TUBB2A: variants seen among roughly 807,000 people sequenced by gnomAD.
TUBB2A encodes tubulin beta-2A chain.
A neutral mutation model predicts 33.9 loss-of-function variants in TUBB2A; 7 were observed. The observed-to-expected ratio is 0.21, with a 90% confidence interval of 0.12 to 0.39. The LOEUF (loss-of-function observed/expected upper bound fraction) is 0.39. TUBB2A is among the 10% of genes least tolerant of loss of function. The pLI is 1.00. For missense variants in TUBB2A, 80 were observed against 593.4 expected (o/e 0.13, Z 8.99); for synonymous variants, 187 against 247.6 (o/e 0.76, Z 2.30).
In TUBB2A at chr6:3,155,034, C is replaced by G; in HGVS notation, c.278-111G>C. 6.5e-7 allele frequency: 1 copy of G among 1,540,484 alleles called. No homozygotes were observed. Among genetic ancestry groups the G allele is most frequent in the Non-Finnish European group, 8.8e-7 (1 of 1,139,614 alleles). On this transcript the variant is annotated intron_variant, in intron 3 of 3. Coordinates refer to ENST00000333628, the MANE Select transcript of TUBB2A (RefSeq NM_001069.3). This position sits in a 1 kb window ranked among gnomAD's most constrained non-coding sequence, Gnocchi z 4.2. ...TGGTCTTAGACTGGCAGATTCTTCT[C>G]TTTTGAATACTCTTCTTTTACCTGA...
At position 3,155,003 on chromosome 6, in the gene TUBB2A, T is replaced by C; in HGVS notation, c.278-80A>G. ...GTCATTTTGACTATGGAGGAGAAGGTAGGACTGGTCTTAGACTGGCAGATT... is the reference window on the plus strand; with the variant it reads ...GTCATTTTGACTATGGAGGAGAAGGCAGGACTGGTCTTAGACTGGCAGATT... On this transcript the variant is annotated intron_variant, in intron 3 of 3. Transcript: ENST00000333628. This position sits in a 1 kb window ranked among gnomAD's most constrained non-coding sequence, Gnocchi z 4.2. 1 of 1,591,244 alleles carries C rather than the reference T, an allele frequency of 6.3e-7. No homozygotes were observed.
In TUBB2A at chr6:3,154,939, T is replaced by A; in HGVS notation, c.278-16A>T. On this transcript the variant is annotated splice_polypyrimidine_tract_variant and intron_variant, in intron 3 of 3. Transcript: ENST00000333628. Reference sequence around the variant, plus strand: ...CCACTCTGGCCTGCCAGAGGGAAAGTGAACATTAGACACTAAAACATAAGG... The same window carrying A: ...CCACTCTGGCCTGCCAGAGGGAAAGAGAACATTAGACACTAAAACATAAGG... 6.2e-7 allele frequency: 1 copy of A among 1,613,906 alleles called. No individual in the cohort carries two copies. Among genetic ancestry groups the A allele is most frequent in the Non-Finnish European group, 8.5e-7 (1 of 1,179,976 alleles).
Position 3,154,025 on chromosome 6 carries a change from C to T in TUBB2A, c.1176G>A (p.Lys392=). The T allele has an allele frequency of 1.3e-6, 2 of 1,592,566 alleles. No individual in the cohort carries two copies. The highest frequency in any genetic ancestry group is 1.7e-6 in the Non-Finnish European group (2 of 1,171,628). ...SEQFTAMFRR[K]AFLHWYTGEG... Reference sequence around the variant, plus strand: ...CGCCCGTGTACCAGTGCAGGAAGGCCTTGCGCCGGAACATGGCCGTGAACT... The same window carrying T: ...CGCCCGTGTACCAGTGCAGGAAGGCTTTGCGCCGGAACATGGCCGTGAACT... Residue 392 remains lysine, a synonymous_variant, in exon 4 of 4, where the codon AAG becomes AAA. Coordinates refer to ENST00000333628, the MANE Select transcript of TUBB2A (RefSeq NM_001069.3).
chr6:3,156,259 G>A (rs1333905558), intron 1 of TUBB2A, 107 bp from the exon 2 acceptor site: 1 of 1,267,858 alleles, frequency 7.9e-7, no homozygotes, highest in African/African-American at 1.5e-5. Flanking sequence ...TGGTCAGACA[G>A]TTAGTAAGTG....
Position 3,155,131 on chromosome 6 carries a change from C to T in TUBB2A, c.278-208G>A. ...AATAAAGTAAGAAGTAAGTTTAGCTCATCTGAGGCTATTGATTGAGGAAGA... is the reference window on the plus strand; with the variant it reads ...AATAAAGTAAGAAGTAAGTTTAGCTTATCTGAGGCTATTGATTGAGGAAGA... On this transcript the variant is annotated intron_variant, in intron 3 of 3. Coordinates refer to ENST00000333628, the MANE Select transcript of TUBB2A (RefSeq NM_001069.3). This position sits in a 1 kb window ranked among gnomAD's most constrained non-coding sequence, Gnocchi z 4.2. 2 of 1,340,790 alleles carry T rather than the reference C, an allele frequency of 1.5e-6. No homozygotes were observed. Among genetic ancestry groups the T allele is most frequent in the Non-Finnish European group, 2.0e-6 (2 of 1,005,802 alleles). The allele number at this position is 1,340,790 out of a possible 1,614,324, so 83.1% of individuals were successfully genotyped here.
chr6:3,155,069 T>C lies in TUBB2A; in HGVS notation c.278-146A>G. ...CTCTTCTTTTACCTGAAGAAATATT[T>C]TTCTATGTCAGTGACCTCAAAAACA... On this transcript the variant is annotated intron_variant, in intron 3 of 3. Coordinates refer to ENST00000333628, the MANE Select transcript of TUBB2A (RefSeq NM_001069.3). This position sits in a 1 kb window ranked among gnomAD's most constrained non-coding sequence, Gnocchi z 4.2. 2 of 1,497,894 alleles carry C rather than the reference T, an allele frequency of 1.3e-6. No individual in the cohort carries two copies. Among genetic ancestry groups the C allele is most frequent in the South Asian group, 2.7e-5 (2 of 75,382 alleles). The allele number at this position is 1,497,894 out of a possible 1,614,324, so 92.8% of individuals were successfully genotyped here. A position where few individuals can be genotyped will look rare whatever the true frequency, so the allele number is the denominator to read the frequency against.
Position 3,155,552 on chromosome 6 carries a change from G to T in TUBB2A, c.277+73C>A. On this transcript the variant is annotated intron_variant, in intron 3 of 3. Transcript: ENST00000333628. This position sits in a 1 kb window ranked among gnomAD's most constrained non-coding sequence, Gnocchi z 4.2. ...GTGTCACCTTGGCACTGAACACTAAGAACTGTGCTTTGCAGGGCTGTTAGG... is the reference window on the plus strand; with the variant it reads ...GTGTCACCTTGGCACTGAACACTAATAACTGTGCTTTGCAGGGCTGTTAGG... The T allele has an allele frequency of 8.1e-7, 1 of 1,233,926 alleles. No homozygotes were observed. Among genetic ancestry groups the T allele is most frequent in the Non-Finnish European group, 1.2e-6 (1 of 860,832 alleles). 76.4% of individuals were successfully genotyped at this position (1,233,926 alleles called of 1,614,324 possible). A position where few individuals can be genotyped will look rare whatever the true frequency, so the allele number is the denominator to read the frequency against.
intron 1 of TUBB2A, among the ~76,000 whole-genome samples, chr6:3,156,932 C>A (rs905757340): frequency 6.6e-6 from 1 of 152,164 alleles, no homozygotes; most frequent in Non-Finnish European, 1.5e-5. Context: ...AAGACTATCG[C>A]GTTGTATGTC....
chr6:3,153,836 A>C lies in TUBB2A; in HGVS notation c.*27T>G. 6.2e-7 allele frequency: 1 copy of C among 1,612,812 alleles called. No homozygotes were observed. The highest frequency in any genetic ancestry group is 8.5e-7 in the Non-Finnish European group (1 of 1,178,814). ...GCTTGAGGACAACAGAAGTTCACTA[A>C]GGATGCACGATTGATCTGAGAAGTT... On this transcript the variant is annotated 3_prime_UTR_variant, in exon 4 of 4. Transcript: ENST00000333628.
intron 1 of TUBB2A, 69 bp downstream of exon 1, chr6:3,157,338 A>T: frequency 7.6e-7 from 1 of 1,323,888 alleles, no homozygotes; most frequent in Non-Finnish European, 9.6e-7. Context: ...CGCGGCCTCC[A>T]GCCCCCGCCC....
At position 3,155,370 on chromosome 6, in the gene TUBB2A, C is replaced by G. The variant is rs1479473186; in HGVS notation, c.277+255G>C. 6.6e-6 allele frequency among the ~76,000 whole-genome samples: 1 copy of G among 152,206 alleles called. No individual in the cohort carries two copies. Among genetic ancestry groups the G allele is most frequent in the Non-Finnish European group, 1.5e-5 (1 of 68,032 alleles). ...GTTGCCTATAGCCTATGAAGCCTGG[C>G]TTGAAGCTTTTCCTTGCTCTTTCTT... is the stretch of plus-strand genomic sequence containing the variant. On this transcript the variant is annotated intron_variant, in intron 3 of 3. Coordinates refer to ENST00000333628, the MANE Select transcript of TUBB2A (RefSeq NM_001069.3). This position sits in a 1 kb window ranked among gnomAD's most constrained non-coding sequence, Gnocchi z 4.2.
At position 3,154,151 on chromosome 6, in the gene TUBB2A, C is replaced by T. The variant is rs1275272782; in HGVS notation, c.1050G>A (p.Lys350=). The stretch of plus-strand genomic sequence containing the variant: ...GGGGCGGGATGTCGCACACGGCCGT[C>T]TTCACGTTGTTGGGGATCCACTCCA... ...YFVEWIPNNV[K]TAVCDIPPRG... The change falls in exon 4 of 4, where the codon AAG becomes AAA. Residue 350 remains lysine (K), a synonymous_variant. Transcript: ENST00000333628. 1 of 999,412 alleles carries T rather than the reference C, an allele frequency of 1.0e-6. No individual in the cohort carries two copies. Among genetic ancestry groups the T allele is most frequent in the East Asian group, 2.7e-5 (1 of 37,108 alleles). 61.9% of individuals were successfully genotyped at this position (999,412 alleles called of 1,614,324 possible). A position where few individuals can be genotyped will look rare whatever the true frequency, so the allele number is the denominator to read the frequency against.
At chr6:3,157,032 C>T (rs1019086207) in intron 1 of TUBB2A, among the ~76,000 whole-genome samples, 6 of 152,230 alleles carry the variant, frequency 3.9e-5, no homozygotes, top group African/African-American at 1.4e-4. Flanking sequence ...ATCTGCCAGT[C>T]CAGTGACACT....
At chr6:3,156,550 C>T (rs1762639122) in intron 1 of TUBB2A, among the ~76,000 whole-genome samples, 1 of 152,268 alleles carries the variant, frequency 6.6e-6, no homozygotes, top group Non-Finnish European at 1.5e-5. Flanking sequence ...ACAGGGGGAC[C>T]CACTCTGTGG....
rs913472841 is a variant in TUBB2A, at chr6:3,155,487, G to C, written c.277+138C>G. 44 of 594,536 alleles carry C rather than the reference G, an allele frequency of 7.4e-5. No individual in the cohort carries two copies. The highest frequency in any genetic ancestry group is 1.2e-4 in the Non-Finnish European group (43 of 347,302). 36.8% of individuals were successfully genotyped at this position (594,536 alleles called of 1,614,324 possible). A position where few individuals can be genotyped will look rare whatever the true frequency, so the allele number is the denominator to read the frequency against. On this transcript the variant is annotated intron_variant, in intron 3 of 3. Coordinates refer to ENST00000333628, the MANE Select transcript of TUBB2A (RefSeq NM_001069.3). This position sits in a 1 kb window ranked among gnomAD's most constrained non-coding sequence, Gnocchi z 4.2. ...TGTGAGCCATGACCACCCATGGACT[G>C]CATGGAGCTAGGCCAGGACTCAGGG...
Position 3,154,835 on chromosome 6 carries a change from C to T in TUBB2A, c.366G>A (p.Lys122=), listed in dbSNP as rs758252325. ...LVDSVLDVVR[K]ESESCDCLQG... is the part of the protein sequence containing the mutation. ...GGAGACAGTCACAGCTCTCTGACTC[C>T]TTCCTCACCACATCCAGGACCGAGT... is the stretch of plus-strand genomic sequence containing the variant. Residue 122 remains lysine, a synonymous_variant, in exon 4 of 4, where the codon AAG becomes AAA. Coordinates refer to ENST00000333628, the MANE Select transcript of TUBB2A (RefSeq NM_001069.3). The T allele has an allele frequency of 5.1e-5, 83 of 1,612,594 alleles. No homozygotes were observed. In the Middle Eastern group the frequency reaches 5.2e-4, roughly 10 times the overall value.
rs376123925 is a variant in TUBB2A, at chr6:3,155,614, T to C, written c.277+11A>G. The C allele has an allele frequency of 3.7e-6, 6 of 1,605,550 alleles. No homozygotes were observed. Among genetic ancestry groups the C allele is most frequent in the African/African-American group, 1.3e-5 (1 of 74,776 alleles). ...TCATTTGGCCAGTTCCCAGTGATCA[T>C]GACTACATACCGAACACGAAGTTGT... On this transcript the variant is annotated intron_variant, in intron 3 of 3. Coordinates refer to ENST00000333628, the MANE Select transcript of TUBB2A (RefSeq NM_001069.3). The surrounding 1 kb of genome is among the most constrained non-coding windows in gnomAD (Gnocchi z 4.2).
rs1396468790 is a variant in TUBB2A at position 3,155,823 on chromosome 6, CAGG to C, written c.167-91_167-89del. ...TCCAGCATCTGAGACAAAAGGAGAA[CAGG>C]AGATTTTCTGCTTTTAAGAAAAAGG... On this transcript the variant is annotated intron_variant, in intron 2 of 3. Transcript: ENST00000333628. The surrounding 1 kb of genome is among the most constrained non-coding windows in gnomAD (Gnocchi z 4.2). 3 of 1,364,200 alleles carry C rather than the reference CAGG, an allele frequency of 2.2e-6. No individual in the cohort carries two copies. The highest frequency in any genetic ancestry group is 2.3e-5 in the East Asian group (1 of 42,642). The allele number at this position is 1,364,200 out of a possible 1,614,324, so 84.5% of individuals were successfully genotyped here.
intron 1 of TUBB2A, among the ~76,000 whole-genome samples, chr6:3,156,884 AC>A (rs1762644910): frequency 6.7e-6 from 1 of 150,096 alleles, no homozygotes; most frequent in African/African-American, 2.5e-5. Flanking sequence ...TGCAGCCCCC[AC>A]CCAGCGCAGT....
Sources: allele counts gnomAD v4.1 joint callset (sites outside exome capture counted in the v4.1 genomes callset), GRCh38; gene constraint gnomAD v4.1.1; non-coding constraint Gnocchi (gnomAD v3.1); transcripts MANE v1.5; gene names NCBI Gene and HGNC (gene_info 2026-07-23, HGNC 2026-07-21).